The following LGI1 variants were observed in gnomAD, a reference collection of about 807,000 sequenced individuals.
The protein encoded by LGI1 is leucine-rich glioma-inactivated protein 1.
Under a neutral mutation model 57.7 loss-of-function variants are expected in LGI1, and 11 were observed. The observed-to-expected ratio is 0.19, with a 90% confidence interval of 0.12 to 0.32. The LOEUF (loss-of-function observed/expected upper bound fraction) is 0.32, where lower values mean the gene tolerates loss of function less well. Ranked by LOEUF, LGI1 falls within the 10% of genes least tolerant of loss-of-function variation. The pLI is 1.00. For missense variants in LGI1, 422 were observed against 661.9 expected (o/e 0.64, Z 3.98); for synonymous variants, 222 against 241.9 (o/e 0.92, Z 0.76).
At chr10:93,763,833 T>C (rs554124054) in intron 2 of LGI1, 2 of 152,264 alleles carry the variant, frequency 1.3e-5, no homozygotes, top group South Asian at 4.2e-4. Flanking sequence ...GTCTCCTTGG[T>C]TTTTAGTCAG....
chr10:93,783,855 C>T (rs751276297), intron 4 of LGI1, among the ~76,000 whole-genome samples: 72 of 151,964 alleles, frequency 4.7e-4, no homozygotes, highest in Middle Eastern at 6.8e-3. Flanking sequence ...CTACTAAAAA[C>T]ACAAAAATTA....
At chr10:93,771,249 G>GT (rs1158024517) in intron 2 of LGI1, 2 of 152,118 alleles carry the variant, frequency 1.3e-5, no homozygotes, top group Non-Finnish European at 2.9e-5. Flanking sequence ...ATACATAAAA[G>GT]TAAGTCCCAA....
chr10:93,761,021 C>T (rs2133978562), intron 2 of LGI1, among the ~76,000 whole-genome samples: 1 of 152,312 alleles, frequency 6.6e-6, no homozygotes, highest in South Asian at 2.1e-4. Context: ...TGCTCTCCAT[C>T]CTTCTTGCCC....
At chr10:93,766,209 G>GA (rs1391529317) in intron 2 of LGI1, among the ~76,000 whole-genome samples, 2 of 152,080 alleles carry the variant, frequency 1.3e-5, no homozygotes, top group Non-Finnish European at 2.9e-5. Flanking sequence ...GCAAGGATTG[G>GA]AAAAAAATTG....
chr10:93,760,241 T>A (rs2059608749), intron 2 of LGI1, among the ~76,000 whole-genome samples: 1 of 152,240 alleles, frequency 6.6e-6, no homozygotes. Flanking sequence ...GGGGTTTATC[T>A]GTTTGATTGA....
intron 2 of LGI1, chr10:93,772,909 T>C (rs1451578265): frequency 6.6e-6 from 1 of 151,460 alleles, no homozygotes; most frequent in African/African-American, 2.4e-5. Flanking sequence ...ACTCCATCTC[T>C]ATAAAAAAAA....
At chr10:93,778,253 G>T (rs1447181257) in intron 4 of LGI1, among the ~76,000 whole-genome samples, 1 of 152,086 alleles carries the variant, frequency 6.6e-6, no homozygotes, top group Non-Finnish European at 1.5e-5. Flanking sequence ...CCAGCCTAAA[G>T]TGGCATCGTG....
chr10:93,760,959 G>A (rs552318676), intron 2 of LGI1, among the ~76,000 whole-genome samples: 10 of 152,298 alleles, frequency 6.6e-5, no homozygotes, highest in African/African-American at 2.2e-4. Context: ...ATGCAAAATT[G>A]TCAGGGGCCA....
At chr10:93,789,679 G>A (rs973543500) in intron 4 of LGI1, 8 of 175,618 alleles carry the variant, frequency 4.6e-5, no homozygotes, top group Admixed American at 1.7e-4. Context: ...TTCAAGACCA[G>A]CCTGGCCAAC....
chr10:93,778,728 G>A (rs1036765125), intron 4 of LGI1: 1 of 152,132 alleles, frequency 6.6e-6, no homozygotes, highest in Non-Finnish European at 1.5e-5. Context: ...AGAGATCCAA[G>A]TGTCATAGTC....
At chr10:93,795,498 C>G (rs959679779) in intron 7 of LGI1, among the ~76,000 whole-genome samples, 3 of 152,174 alleles carry the variant, frequency 2.0e-5, no homozygotes, top group African/African-American at 7.2e-5. Flanking sequence ...CTAATCACCT[C>G]CTAGACACCC....
At chr10:93,790,664 T>G (rs1478302705) in intron 5 of LGI1, 1 of 154,182 alleles carries the variant, frequency 6.5e-6, no homozygotes, top group Non-Finnish European at 1.4e-5. Flanking sequence ...GAACAACAAC[T>G]CTAAGCTTAA....
At position 93,793,169 on chromosome 10, in the gene LGI1, A is replaced by G; in HGVS notation, c.674-17A>G. 1 of 1,596,412 alleles carries G rather than the reference A, an allele frequency of 6.3e-7. No individual in the cohort carries two copies. The highest frequency in any genetic ancestry group is 1.7e-4 in the Middle Eastern group (1 of 5,892). On this transcript the variant is annotated splice_polypyrimidine_tract_variant and intron_variant, in intron 6 of 7. Coordinates refer to ENST00000371418, the MANE Select transcript of LGI1 (RefSeq NM_005097.4). Reference sequence around the variant, plus strand: ...AGGTATTAGCTCACAGTTACTTATTATTTCCTATTTTTGCAGAATTTGCAA... The same window carrying G: ...AGGTATTAGCTCACAGTTACTTATTGTTTCCTATTTTTGCAGAATTTGCAA...
intron 4 of LGI1, chr10:93,778,877 G>C (rs538631880): frequency 9.2e-5 from 14 of 152,344 alleles, no homozygotes; most frequent in African/African-American, 2.9e-4. Flanking sequence ...CCACGCGGTT[G>C]TCACTCTGCC....
At chr10:93,765,420 C>G (rs2059663495) in intron 2 of LGI1, 1 of 152,122 alleles carries the variant, frequency 6.6e-6, no homozygotes, top group Non-Finnish European at 1.5e-5. Context: ...CATGTCTTAC[C>G]TAAAAATCCT....
intron 2 of LGI1, among the ~76,000 whole-genome samples, chr10:93,762,145 G>T (rs2059630591): frequency 1.3e-5 from 2 of 152,166 alleles, no homozygotes; most frequent in Admixed American, 6.5e-5. Flanking sequence ...GGTAGTTTTA[G>T]TATCATGCTC....
chr10:93,797,084 A>T lies in LGI1; in HGVS notation c.955A>T (p.Ile319Leu). Reference protein sequence around the residue: ...YKRDSFANKFIKIQDIEILKI... With the variant: ...YKRDSFANKFLKIQDIEILKI... ...GCGAGACAGTTTTGCAAATAAATTC[A>T]TAAAAATCCAGGATATTGAAATTCT... is the stretch of plus-strand genomic sequence containing the variant. Residue 319 changes from isoleucine (I) to leucine (L), a missense_variant, in exon 8 of 8, where the codon ATA (isoleucine) becomes TTA (leucine). By Grantham distance (5) the Ile-to-Leu change is conservative (BLOSUM62 2). Around this residue, in one of 3 missense-constraint regions of LGI1, gnomAD observed 301 missense variants for 461.7 expected, o/e 0.65. Transcript: ENST00000371418. This position sits in a 1 kb window ranked among gnomAD's most constrained non-coding sequence, Gnocchi z 6.5. 1 of 1,613,198 alleles carries T rather than the reference A, an allele frequency of 6.2e-7. No individual in the cohort carries two copies. The highest frequency in any genetic ancestry group is 8.5e-7 in the Non-Finnish European group (1 of 1,179,470).
At chr10:93,772,227 T>A (rs1379830463) in intron 2 of LGI1, among the ~76,000 whole-genome samples, 1 of 152,138 alleles carries the variant, frequency 6.6e-6, no homozygotes, top group Non-Finnish European at 1.5e-5. Context: ...ATAAAAATGA[T>A]AATTTTAAAT....
At chr10:93,774,814 A>G (rs144080774) in intron 2 of LGI1, among the ~76,000 whole-genome samples, 1 of 152,244 alleles carries the variant, frequency 6.6e-6, no homozygotes, top group East Asian at 1.9e-4. Context: ...AACAAATTAT[A>G]ATAATGAAAT....
Sources: gnomAD v4.1 joint callset for allele counts (sites outside exome capture counted in the v4.1 genomes callset) on GRCh38, gnomAD v4.1.1 for gene constraint, gnomAD v4.1.1 regional missense constraint, Gnocchi (gnomAD v3.1) non-coding constraint, MANE v1.5 for transcripts, NCBI Gene and HGNC (gene_info 2026-07-23, HGNC 2026-07-21) for gene names.